Variants in RGS17 observed in about 807,000 individuals in gnomAD.
RGS17 encodes the protein regulator of G protein signaling 17.
Under a neutral mutation model 25.5 loss-of-function variants are expected in RGS17, and 12 were observed. That is an observed-to-expected ratio of 0.47 (90% CI 0.30 to 0.76). The LOEUF (loss-of-function observed/expected upper bound fraction) is 0.76, where lower values mean the gene tolerates loss of function less well. Among genes scored for constraint, RGS17 ranks in the 30% least tolerant of loss-of-function variants. RGS17 has a pLI of 0.07. For missense variants in RGS17, 196 were observed against 242.2 expected (o/e 0.81, Z 1.27); for synonymous variants, 71 against 76.9 (o/e 0.92, Z 0.40).
chr6:153,083,802 T>C (rs559583747), intron 1 of RGS17, among the ~76,000 whole-genome samples: 2 of 152,372 alleles, frequency 1.3e-5, no homozygotes, highest in Non-Finnish European at 2.9e-5. Context: ...CCACAAATTA[T>C]ATAATGGTAT....
intron 2 of RGS17, among the ~76,000 whole-genome samples, chr6:153,040,213 T>C (rs61124249): frequency 0.024 from 3,638 of 152,182 alleles, 135 homozygotes; most frequent in African/African-American, 0.081. Flanking sequence ...ATGACAGAGA[T>C]AGAGAATGGA....
In RGS17 at chr6:153,054,092, T is replaced by TATATATATATA. The variant is rs1393844507; in HGVS notation, c.-25-10050_-25-10049insTATATATATAT. On this transcript the variant is annotated intron_variant, in intron 1 of 4. Coordinates refer to ENST00000206262, the MANE Select transcript of RGS17 (RefSeq NM_012419.5). Reference sequence around the variant, plus strand: ...CATATATATATACACACAATATTTTTTATATATATATATATATATATGTGT... The same window carrying TATATATATATA: ...CATATATATATACACACAATATTTTTATATATATATATATATATATATATATATATATGTGT... Among the ~76,000 whole-genome samples, 6 of 42,100 alleles carry TATATATATATA rather than the reference T, an allele frequency of 1.4e-4. 1 individual carries two copies. Among genetic ancestry groups the TATATATATATA allele is most frequent in the African/African-American group, 7.0e-4 (6 of 8,632 alleles). 27.6% of individuals were successfully genotyped at this position (42,100 alleles called of 152,430 possible).
At chr6:153,023,004 T>A (rs910108358) in intron 4 of RGS17, among the ~76,000 whole-genome samples, 1 of 152,218 alleles carries the variant, frequency 6.6e-6, no homozygotes, top group African/African-American at 2.4e-5. Flanking sequence ...GTGCGTCTAA[T>A]TCTAGAAGGT....
rs1779278551 is a variant in RGS17 at position 153,024,487 on chromosome 6, G to C, written c.219C>G (p.Pro73=). ...ACCAGGACAAGACTTCCTCTGCAGT[G>C]GGGTTTTGGCTGCAGAGACAGAACG... is the stretch of plus-strand genomic sequence containing the variant. ...SIQVLEECQN[P]TAEEVLSWSQ... is the part of the protein sequence containing the mutation. The change falls in exon 4 of 5, where the codon CCC becomes CCG. Residue 73 remains proline, a synonymous_variant. Transcript: ENST00000206262. 6.2e-7 allele frequency: 1 copy of C among 1,613,108 alleles called. No homozygotes were observed. Among genetic ancestry groups the C allele is most frequent in the Non-Finnish European group, 8.5e-7 (1 of 1,179,222 alleles).
intron 1 of RGS17, among the ~76,000 whole-genome samples, chr6:153,115,302 G>A (rs1171510043): frequency 6.6e-6 from 1 of 152,108 alleles, no homozygotes; most frequent in Non-Finnish European, 1.5e-5. Context: ...CAAACAGAAA[G>A]CCAAATCATG....
chr6:153,086,759 CAT>C (rs1484335957), intron 1 of RGS17, among the ~76,000 whole-genome samples: 9 of 152,192 alleles, frequency 5.9e-5, no homozygotes, highest in African/African-American at 9.7e-5. Flanking sequence ...CATACACACA[CAT>C]GTCCCATATG....
intron 2 of RGS17, among the ~76,000 whole-genome samples, chr6:153,040,240 T>C (rs751973274): frequency 2.0e-5 from 3 of 152,204 alleles, no homozygotes; most frequent in Admixed American, 6.5e-5. Flanking sequence ...TAAATCACTA[T>C]GAAGCCTGTC....
chr6:153,038,251 CT>C (rs1448037749), intron 2 of RGS17, among the ~76,000 whole-genome samples: 1 of 152,166 alleles, frequency 6.6e-6, no homozygotes, highest in East Asian at 1.9e-4. Context: ...GGACTCTGGA[CT>C]TCTTCACCAG....
At chr6:153,019,577 T>C (rs1562312796) in intron 4 of RGS17, among the ~76,000 whole-genome samples, 1 of 152,196 alleles carries the variant, frequency 6.6e-6, no homozygotes, top group African/African-American at 2.4e-5. Flanking sequence ...TTCTTGGTTC[T>C]GTCCTTGATA....
chr6:153,050,103 ATT>A (rs1413962132), intron 1 of RGS17, among the ~76,000 whole-genome samples: 1 of 152,206 alleles, frequency 6.6e-6, no homozygotes, highest in African/African-American at 2.4e-5. Context: ...CATATAAAAA[ATT>A]ACACCTCCAA....
At chr6:153,022,219 G>C (rs754215281) in intron 4 of RGS17, among the ~76,000 whole-genome samples, 2 of 152,040 alleles carry the variant, frequency 1.3e-5, no homozygotes, top group Non-Finnish European at 2.9e-5. Context: ...AAAAAAATTA[G>C]ATGAAAACAA....
intron 2 of RGS17, among the ~76,000 whole-genome samples, chr6:153,043,545 T>C (rs922851907): frequency 1.3e-5 from 2 of 152,010 alleles, no homozygotes; most frequent in Non-Finnish European, 2.9e-5. Context: ...GTTATTTTAA[T>C]GTTCTTGCCT....
chr6:153,104,647 T>C (rs893938100), intron 1 of RGS17, among the ~76,000 whole-genome samples: 4 of 152,138 alleles, frequency 2.6e-5, no homozygotes, highest in South Asian at 2.1e-4. Flanking sequence ...TAGGATACAG[T>C]AGTGAATAAA....
intron 2 of RGS17, among the ~76,000 whole-genome samples, chr6:153,040,433 T>G (rs1017695346): frequency 2.0e-5 from 3 of 152,196 alleles, no homozygotes; most frequent in Non-Finnish European, 4.4e-5. Flanking sequence ...AATATTACAC[T>G]GTTAAAAAAC....
Position 153,020,303 on chromosome 6 carries a change from G to A in RGS17, c.444+3959C>T, listed in dbSNP as rs541096448. Among the ~76,000 whole-genome samples, 370 of 150,198 alleles carry A rather than the reference G, an allele frequency of 2.5e-3. 2 individuals are homozygous for A. Among genetic ancestry groups the A allele is most frequent in the Admixed American group, 5.4e-3 (82 of 15,080 alleles). Reference sequence around the variant, plus strand: ...CAGGTAGCTGGGATTACAGGTGCCCGCCACCACGCCCGGCTAATTTTTTGT... The same window carrying A: ...CAGGTAGCTGGGATTACAGGTGCCCACCACCACGCCCGGCTAATTTTTTGT... On this transcript the variant is annotated intron_variant, in intron 4 of 4. Transcript: ENST00000206262.
intron 4 of RGS17, among the ~76,000 whole-genome samples, chr6:153,014,496 A>G (rs1486908881): frequency 6.6e-6 from 1 of 152,190 alleles, no homozygotes; most frequent in Non-Finnish European, 1.5e-5. Context: ...CACAAGTATT[A>G]TTTAAGAAAT....
intron 4 of RGS17, among the ~76,000 whole-genome samples, chr6:153,015,207 G>C (rs1779170674): frequency 6.6e-6 from 1 of 152,204 alleles, no homozygotes; most frequent in Non-Finnish European, 1.5e-5. Context: ...TGAAGATGCT[G>C]TGAACATTGT....
rs148685394 is a variant in RGS17 at position 153,059,803 on chromosome 6, A to G, written c.-25-15760T>C. Among the ~76,000 whole-genome samples the G allele has an allele frequency of 1.5e-3, 223 of 152,356 alleles. 1 individual carries two copies. Among genetic ancestry groups the G allele is most frequent in the African/African-American group, 5.1e-3 (212 of 41,590 alleles). On this transcript the variant is annotated intron_variant, in intron 1 of 4. Transcript: ENST00000206262. Reference sequence around the variant, plus strand: ...TCAGAATTTCATAATGGGTTTTTAAATATCAATGCAAGGGTGATAGATGTA... The same window carrying G: ...TCAGAATTTCATAATGGGTTTTTAAGTATCAATGCAAGGGTGATAGATGTA...
intron 1 of RGS17, among the ~76,000 whole-genome samples, chr6:153,086,189 C>A (rs1777050441): frequency 6.6e-6 from 1 of 151,966 alleles, no homozygotes; most frequent in South Asian, 2.1e-4. Flanking sequence ...ACTAAAAAAA[C>A]ACAGAATGAC....
Sources: allele counts gnomAD v4.1 joint callset (sites outside exome capture counted in the v4.1 genomes callset), GRCh38; gene constraint gnomAD v4.1.1; transcripts MANE v1.5; gene names NCBI Gene and HGNC (gene_info 2026-07-23, HGNC 2026-07-21).